Variants in CTNNA2 observed in about 807,000 individuals in gnomAD.
The protein encoded by CTNNA2 is catenin alpha-2.
CTNNA2 carries 42 observed loss-of-function variants against 101.0 expected under a neutral mutation model. The observed-to-expected ratio is 0.42, with a 90% CI of 0.32 to 0.54. CTNNA2 has a LOEUF of 0.54. Among genes scored for constraint, CTNNA2 ranks in the 20% least tolerant of loss-of-function variants. CTNNA2 has a pLI of 0.14. For synonymous variants in CTNNA2, 450 were observed against 456.4 expected (o/e 0.99, Z 0.18); for missense variants, 871 against 1,223.1 (o/e 0.71, Z 4.29).
rs576737090 is a variant in CTNNA2, at chr2:79,902,915, G to T, written c.853-6679G>T. 3.1e-4 allele frequency among the ~76,000 whole-genome samples: 47 copies of T among 152,060 alleles called. 1 individual carries two copies. The highest frequency in any genetic ancestry group is 1.0e-4 in the Non-Finnish European group (7 of 68,018). On this transcript the variant is annotated intron_variant, in intron 6 of 18. Transcript: ENST00000402739. ...GCTGGGATTACGGGCATGAGCCACT[G>T]CGCCCGGTCAGCAAATGTTTTCTTG...
chr2:80,271,476 C>T (rs1391358102), intron 7 of CTNNA2, among the ~76,000 whole-genome samples: 2 of 150,122 alleles, frequency 1.3e-5, no homozygotes, highest in African/African-American at 4.9e-5. Flanking sequence ...GGCTGGAGTG[C>T]AGTGGCGCGA....
At chr2:79,807,707 G>A (rs1048587941) in intron 3 of CTNNA2, among the ~76,000 whole-genome samples, 7 of 152,128 alleles carry the variant, frequency 4.6e-5, no homozygotes, top group African/African-American at 1.7e-4. Flanking sequence ...AAGTGCTGAT[G>A]TATTTAAAAT....
At chr2:79,918,128 C>G (rs551728421) in intron 7 of CTNNA2, among the ~76,000 whole-genome samples, 1 of 152,142 alleles carries the variant, frequency 6.6e-6, no homozygotes, top group African/African-American at 2.4e-5. Flanking sequence ...ACTTCTATCT[C>G]ATTCCCCCAC....
At chr2:80,184,155 A>G (rs1705964872) in intron 7 of CTNNA2, among the ~76,000 whole-genome samples, 1 of 152,226 alleles carries the variant, frequency 6.6e-6, no homozygotes, top group Non-Finnish European at 1.5e-5. Context: ...AACTGATGAC[A>G]GCATCATAAG....
At chr2:80,088,238 T>C (rs1392710817) in intron 7 of CTNNA2, among the ~76,000 whole-genome samples, 1 of 152,066 alleles carries the variant, frequency 6.6e-6, no homozygotes, top group African/African-American at 2.4e-5. Context: ...TTGTTGTTTA[T>C]TCAGGGCTCA....
At chr2:79,429,499 C>T (rs916979947) in intron 4 of CTNNA2, among the ~76,000 whole-genome samples, 6 of 152,118 alleles carry the variant, frequency 3.9e-5, no homozygotes, top group South Asian at 4.1e-4. Flanking sequence ...ATCACTTTTA[C>T]GATGTTCATT....
At chr2:79,689,481 T>C (rs2104690654) in intron 2 of CTNNA2, among the ~76,000 whole-genome samples, 1 of 152,102 alleles carries the variant, frequency 6.6e-6, no homozygotes, top group East Asian at 1.9e-4. Flanking sequence ...TCTACAATAT[T>C]CTTCTCACAG....
At chr2:79,593,105 G>A (rs1676966989) in intron 1 of CTNNA2, among the ~76,000 whole-genome samples, 1 of 152,160 alleles carries the variant, frequency 6.6e-6, no homozygotes, top group Admixed American at 6.5e-5. Flanking sequence ...TTACTTTTGT[G>A]TAAAATCCTA....
chr2:79,864,952 G>A (rs180871103), intron 4 of CTNNA2, among the ~76,000 whole-genome samples: 15 of 152,208 alleles, frequency 9.9e-5, no homozygotes, highest in Non-Finnish European at 1.6e-4. Context: ...TAAGATAGAC[G>A]TAAGCCATTT....
chr2:79,222,066 A>C (rs1379861444), intron 2 of CTNNA2, among the ~76,000 whole-genome samples: 1 of 152,160 alleles, frequency 6.6e-6, no homozygotes, highest in African/African-American at 2.4e-5. Flanking sequence ...GCCCCATTCC[A>C]GGAGAGAGTT....
At chr2:80,250,457 T>G (rs1671680060) in intron 7 of CTNNA2, among the ~76,000 whole-genome samples, 2 of 151,410 alleles carry the variant, frequency 1.3e-5, no homozygotes, top group South Asian at 4.2e-4. Flanking sequence ...AGGATGGGAG[T>G]CCAGTGAAGA....
At chr2:79,290,550 A>G (rs536344677) in intron 2 of CTNNA2, among the ~76,000 whole-genome samples, 1 of 152,246 alleles carries the variant, frequency 6.6e-6, no homozygotes, top group East Asian at 1.9e-4. Flanking sequence ...TAGCAAACAG[A>G]GACACAAGTG....
chr2:79,961,896 C>G (rs937603011), intron 7 of CTNNA2, among the ~76,000 whole-genome samples: 1 of 151,210 alleles, frequency 6.6e-6, no homozygotes, highest in Non-Finnish European at 1.5e-5. Flanking sequence ...TCAGATGGAC[C>G]TTTCCCTGGC....
In CTNNA2 at chr2:79,558,170, G is replaced by A. The variant is rs529712696; in HGVS notation, c.-6+44963G>A. Among the ~76,000 whole-genome samples the A allele has an allele frequency of 2.0e-5, 3 of 151,954 alleles. No homozygotes were observed. In the South Asian group the frequency reaches 6.2e-4, roughly 32 times the overall value. ...CAGGTAGTTTCCTGGGCTAATAAAA[G>A]CTTAGTTTAAAACTGAACATGCCCA... On this transcript the variant is annotated intron_variant, in intron 1 of 18. Transcript: ENST00000402739.
intron 2 of CTNNA2, among the ~76,000 whole-genome samples, chr2:79,681,696 G>A (rs1683573331): frequency 6.6e-6 from 1 of 152,130 alleles, no homozygotes; most frequent in African/African-American, 2.4e-5. Flanking sequence ...ATAATTGCAT[G>A]GTTCTGTACC....
intron 1 of CTNNA2, among the ~76,000 whole-genome samples, chr2:79,516,876 C>A (rs1260056226): frequency 2.0e-5 from 3 of 152,158 alleles, no homozygotes; most frequent in African/African-American, 4.8e-5. Flanking sequence ...GACTATATCT[C>A]GTTGTATAAT....
At chr2:79,907,813 G>A (rs1324130226) in intron 6 of CTNNA2, among the ~76,000 whole-genome samples, 1 of 152,174 alleles carries the variant, frequency 6.6e-6, no homozygotes, top group Non-Finnish European at 1.5e-5. Context: ...TGACCAATTA[G>A]TGATTTTCTA....
intron 6 of CTNNA2, among the ~76,000 whole-genome samples, chr2:79,888,936 T>G (rs1472750037): frequency 2.0e-5 from 3 of 152,208 alleles, no homozygotes. Flanking sequence ...TAAGGCCACT[T>G]ATCTAGTGAA....
rs1553401025 is a variant in CTNNA2, at chr2:79,338,576, T to TATTCTTCTTCTTCTTCTTCTA, written c.-318+25780_-318+25781insATTCTTCTTCTTCTTCTTCTA. On this transcript the variant is annotated intron_variant, in intron 3 of 21. Coordinates refer to the CTNNA2 transcript ENST00000466387. ...TTTTTCTTCTTCTTCTTCCTCCTCA[T>TATTCTTCTTCTTCTTCTTCTA]CATCTTCTTCTTCTTCTTCTTCTTC... 7.4e-3 allele frequency among the ~76,000 whole-genome samples: 70 copies of TATTCTTCTTCTTCTTCTTCTA among 9,508 alleles called. 1 individual carries two copies. The highest frequency in any genetic ancestry group is 0.028 in the African/African-American group (65 of 2,286). 6.2% of individuals were successfully genotyped at this position (9,508 alleles called of 152,430 possible).
Sources: gnomAD v4.1 joint callset for allele counts (sites outside exome capture counted in the v4.1 genomes callset) on GRCh38, gnomAD v4.1.1 for gene constraint, MANE v1.5 for transcripts, NCBI Gene and HGNC (gene_info 2026-07-23, HGNC 2026-07-21) for gene names.